DPP10: variants seen among roughly 807,000 people sequenced by gnomAD.
DPP10 encodes the protein inactive dipeptidyl peptidase 10.
A neutral mutation model predicts 120.9 loss-of-function variants in DPP10; 33 were observed. That is an observed-to-expected ratio of 0.27 (90% CI 0.21 to 0.37). The LOEUF (loss-of-function observed/expected upper bound fraction) is 0.37. Ranked by LOEUF, DPP10 falls within the 10% of genes least tolerant of loss-of-function variation. The pLI, the probability that DPP10 is intolerant of heterozygous loss-of-function variation, is 1.00. For synonymous variants in DPP10, 337 were observed against 326.1 expected, an observed-to-expected ratio of 1.03 and a Z score of -0.36; for missense variants, 816 against 942.8, an observed-to-expected ratio of 0.87 and a Z score of 1.76.
chr2:114,582,753 T>A (rs980865734), intron 1 of DPP10, among the ~76,000 whole-genome samples: 3 of 152,234 alleles, frequency 2.0e-5, no homozygotes, highest in African/African-American at 7.2e-5. Flanking sequence ...ATGAAGTGTC[T>A]ATTCAGATCT....
At chr2:115,654,632 T>A (rs115726658) in intron 5 of DPP10, among the ~76,000 whole-genome samples, 1,669 of 150,268 alleles carry the variant, frequency 0.011, 27 homozygotes, top group African/African-American at 0.04. Flanking sequence ...AATAATATGC[T>A]TTAAGAAATC....
intron 5 of DPP10, among the ~76,000 whole-genome samples, chr2:115,602,132 T>G (rs756718552): frequency 6.6e-6 from 1 of 152,230 alleles, no homozygotes; most frequent in Non-Finnish European, 1.5e-5. Flanking sequence ...AAGCAGAAAC[T>G]TAACAGTCTC....
chr2:115,250,692 T>A (rs1269071560), intron 1 of DPP10, among the ~76,000 whole-genome samples: 2 of 152,234 alleles, frequency 1.3e-5, no homozygotes, highest in Non-Finnish European at 2.9e-5. Flanking sequence ...ATTTTCTAGG[T>A]TGTTACTGGC....
intron 1 of DPP10, among the ~76,000 whole-genome samples, chr2:114,550,499 G>A (rs112227727): frequency 5.9e-5 from 9 of 152,234 alleles, no homozygotes; most frequent in South Asian, 2.1e-4. Flanking sequence ...CCAGACATCT[G>A]CTGGCAGAGT....
In DPP10 at chr2:115,406,073, C is replaced by A. The variant is rs72840776; in HGVS notation, c.271+62161C>A. On this transcript the variant is annotated intron_variant, in intron 3 of 25. Coordinates refer to ENST00000410059, the MANE Select transcript of DPP10 (RefSeq NM_020868.6). ...ACCACATGGTCAAGCAATAAATTGA[C>A]CAAATCTTTTCACTCTACTTCCCTT... Among the ~76,000 whole-genome samples the A allele has an allele frequency of 1.8e-4, 27 of 152,312 alleles. No homozygotes were observed. In the South Asian group the frequency reaches 5.4e-3, roughly 30 times the overall value.
At chr2:114,657,313 T>C (rs1206854479) in intron 1 of DPP10, among the ~76,000 whole-genome samples, 1 of 152,176 alleles carries the variant, frequency 6.6e-6, no homozygotes, top group African/African-American at 2.4e-5. Context: ...AAACTCAAGC[T>C]TGAATAACCA....
intron 1 of DPP10, among the ~76,000 whole-genome samples, chr2:114,678,543 C>G (rs1297549281): frequency 6.6e-6 from 1 of 152,052 alleles, no homozygotes; most frequent in East Asian, 1.9e-4. Flanking sequence ...TTCTCCCTCT[C>G]TCTGCCTTTA....
Position 114,925,110 on chromosome 2 carries a change from C to T in DPP10, c.61-384129C>T, listed in dbSNP as rs926421637. 3.4e-5 allele frequency among the ~76,000 whole-genome samples: 5 copies of T among 149,018 alleles called. No individual in the cohort carries two copies. In the South Asian group the frequency reaches 1.1e-3, roughly 32 times the overall value. ...CCTGTAGTGCCAGCTACTCGGCAGG[C>T]TGAGGCAGAAGAATCACTTCAACCT... On this transcript the variant is annotated intron_variant, in intron 1 of 25. Transcript: ENST00000410059.
At chr2:115,423,637 T>G (rs555619797) in intron 3 of DPP10, among the ~76,000 whole-genome samples, 352 of 152,146 alleles carry the variant, frequency 2.3e-3, no homozygotes, top group Non-Finnish European at 4.4e-3. Context: ...TTAAGAAAAT[T>G]TTTACTTAGA....
chr2:115,220,632 T>G (rs1196473049), intron 1 of DPP10, among the ~76,000 whole-genome samples: 2 of 152,212 alleles, frequency 1.3e-5, no homozygotes, highest in Non-Finnish European at 2.9e-5. Flanking sequence ...TTATGTATTG[T>G]GTAGATATAA....
chr2:115,243,847 T>C (rs977120444), intron 1 of DPP10, among the ~76,000 whole-genome samples: 1 of 151,818 alleles, frequency 6.6e-6, no homozygotes, highest in Non-Finnish European at 1.5e-5. Flanking sequence ...TTTTCAAATA[T>C]TGTTTATGCT....
intron 1 of DPP10, among the ~76,000 whole-genome samples, chr2:115,184,795 G>A (rs1299047190): frequency 2.0e-5 from 3 of 152,144 alleles, no homozygotes; most frequent in Non-Finnish European, 4.4e-5. Flanking sequence ...TTGACAGCAG[G>A]TTGCCTTAAG....
chr2:114,610,561 T>G (rs1413507934), intron 1 of DPP10, among the ~76,000 whole-genome samples: 1 of 151,716 alleles, frequency 6.6e-6, no homozygotes. Flanking sequence ...GTGCTTTGAG[T>G]TTTGGGTAGC....
At chr2:115,737,455 T>A (rs1327694440) in intron 8 of DPP10, among the ~76,000 whole-genome samples, 1 of 152,110 alleles carries the variant, frequency 6.6e-6, no homozygotes, top group Non-Finnish European at 1.5e-5. Context: ...TAGATAATAT[T>A]TTTCAGTACA....
chr2:115,473,502 T>A (rs1383177625), intron 3 of DPP10, among the ~76,000 whole-genome samples: 2 of 152,172 alleles, frequency 1.3e-5, no homozygotes, highest in Non-Finnish European at 2.9e-5. Context: ...ATTACATTCT[T>A]GGCAGCCTGT....
chr2:114,558,811 C>T (rs1344453739), intron 1 of DPP10, among the ~76,000 whole-genome samples: 1 of 152,202 alleles, frequency 6.6e-6, no homozygotes, highest in Non-Finnish European at 1.5e-5. Flanking sequence ...CATCTGGGGG[C>T]TCTTTTCCAC....
chr2:114,729,111 G>A (rs1574057013), intron 1 of DPP10, among the ~76,000 whole-genome samples: 2 of 152,326 alleles, frequency 1.3e-5, no homozygotes. Context: ...GAAACAATAA[G>A]TGGCATTTGA....
chr2:115,087,538 C>CTTTTTTTTTTTT (rs56685721), intron 1 of DPP10, among the ~76,000 whole-genome samples: 1 of 99,236 alleles, frequency 1.0e-5, no homozygotes, highest in African/African-American at 4.1e-5. Context: ...CTTTTCTTTT[C>CTTTTTTTTTTTT]TTTTTTTTTT....
chr2:115,661,607 G>A (rs551871081), intron 5 of DPP10, among the ~76,000 whole-genome samples: 3 of 152,312 alleles, frequency 2.0e-5, no homozygotes, highest in Non-Finnish European at 4.4e-5. Context: ...TGTTTCAACA[G>A]CCAGTTTCAT....
Sources: allele counts gnomAD v4.1 joint callset (sites outside exome capture counted in the v4.1 genomes callset), GRCh38; gene constraint gnomAD v4.1.1; transcripts MANE v1.5; gene names NCBI Gene and HGNC (gene_info 2026-07-23, HGNC 2026-07-21).